Variants in MAP3K4 observed in about 807,000 individuals in gnomAD.
The protein encoded by MAP3K4 is mitogen-activated protein kinase kinase kinase 4.
MAP3K4 carries 67 observed loss-of-function variants against 185.6 expected under a neutral mutation model. That is an observed-to-expected ratio of 0.36 (90% CI 0.30 to 0.44). The LOEUF is 0.44. Among genes scored for constraint, MAP3K4 ranks in the 20% least tolerant of loss-of-function variants. The pLI is 1.00. For missense variants in MAP3K4, 1,551 were observed against 1,995.1 expected (o/e 0.78, Z 4.24); for synonymous variants, 702 against 710.4 (o/e 0.99, Z 0.19).
chr6:161,022,539 T>C lies in MAP3K4; in HGVS notation c.153-11720T>C, dbSNP rs184691096. On this transcript the variant is annotated intron_variant, in intron 1 of 26. Transcript: ENST00000392142. The surrounding 1 kb of genome is among the most constrained non-coding windows in gnomAD (Gnocchi z 4.2). Reference sequence around the variant, plus strand: ...TCTCTCTCTCATGCTATGCTCTCTCTCCACCTGGAGGGACTTTGTCCCACA... The same window carrying C: ...TCTCTCTCTCATGCTATGCTCTCTCCCCACCTGGAGGGACTTTGTCCCACA... Among the ~76,000 whole-genome samples, 13 of 152,316 alleles carry C rather than the reference T, an allele frequency of 8.5e-5. No individual in the cohort carries two copies. The highest frequency in any genetic ancestry group is 3.4e-3 in the Middle Eastern group (1 of 294).
chr6:161,060,568 A>G (rs1784437893), intron 3 of MAP3K4, among the ~76,000 whole-genome samples: 1 of 149,574 alleles, frequency 6.7e-6, no homozygotes. Flanking sequence ...CTAGGCTGAC[A>G]TTGTATATCT....
rs1777916747 is a variant in MAP3K4 at position 161,103,349 on chromosome 6, A to G, written c.3856+570A>G. On this transcript the variant is annotated intron_variant, in intron 19 of 26. Transcript: ENST00000392142. This position sits in a 1 kb window ranked among gnomAD's most constrained non-coding sequence, Gnocchi z 4.6. ...ACCAGAAGGCACTTGTCTCAAGTCT[A>G]GCGCACTCCATGGCAGCTTCCCTTT... 6.6e-6 allele frequency among the ~76,000 whole-genome samples: 1 copy of G among 152,246 alleles called. No individual in the cohort carries two copies. The highest frequency in any genetic ancestry group is 2.4e-5 in the African/African-American group (1 of 41,468).
intron 1 of MAP3K4, among the ~76,000 whole-genome samples, chr6:161,026,805 A>G (rs1270078494): frequency 1.6e-5 from 2 of 126,674 alleles, no homozygotes; most frequent in Non-Finnish European, 3.1e-5. Context: ...ATTAATTAGT[A>G]TGAAGTCTTT....
rs897209711 is a variant in MAP3K4, at chr6:161,117,143, C to T, written c.*273C>T. On this transcript the variant is annotated 3_prime_UTR_variant, in exon 27 of 27. Transcript: ENST00000392142. ...TCGCCTCTGTCTCCTCCGTGTCTCG[C>T]GCGACTGAGAACCGTGACATCAGCG... 9.1e-6 allele frequency: 4 copies of T among 438,310 alleles called. No individual in the cohort carries two copies. The highest frequency in any genetic ancestry group is 4.3e-5 in the South Asian group (1 of 23,004). 27.2% of individuals were successfully genotyped at this position (438,310 alleles called of 1,614,324 possible).
At chr6:161,105,697 A>T (rs1778034487) in intron 19 of MAP3K4, among the ~76,000 whole-genome samples, 1 of 152,210 alleles carries the variant, frequency 6.6e-6, no homozygotes, top group Admixed American at 6.5e-5. Context: ...AAAGTAAAGT[A>T]GTTTGGTGTG....
chr6:161,015,013 A>G (rs1028656855), intron 1 of MAP3K4, among the ~76,000 whole-genome samples: 10 of 152,318 alleles, frequency 6.6e-5, no homozygotes, highest in African/African-American at 2.4e-4. Flanking sequence ...ATCATATAAT[A>G]TGTGGGTTTT....
chr6:161,049,582 G>A lies in MAP3K4; in HGVS notation c.1310G>A (p.Gly437Asp), dbSNP rs146790152. ...FEIPSPRPSK[G>D]NEPEYEGDDT... ...ATCCCTTCCCCTCGACCATCCAAAG[G>A]TAATGAGCCGGAGTATGAGGGTGAT... is the stretch of plus-strand genomic sequence containing the variant. Residue 437 changes from glycine to aspartate, a missense_variant, in exon 3 of 27, where the codon GGT (glycine) becomes GAT (aspartate). Gly to Asp is a moderately conservative substitution (Grantham distance 94). Coordinates refer to ENST00000392142, the MANE Select transcript of MAP3K4 (RefSeq NM_005922.4). The surrounding 1 kb of genome is among the most constrained non-coding windows in gnomAD (Gnocchi z 8.4). The A allele has an allele frequency of 6.2e-7, 1 of 1,614,152 alleles. No homozygotes were observed. Among genetic ancestry groups the A allele is most frequent in the African/African-American group, 1.3e-5 (1 of 75,036 alleles).
At chr6:161,039,136 G>C (rs1262596707) in intron 2 of MAP3K4, among the ~76,000 whole-genome samples, 1 of 152,154 alleles carries the variant, frequency 6.6e-6, no homozygotes, top group Non-Finnish European at 1.5e-5. Context: ...GGAGGCGACT[G>C]CTCAAGGCAG....
intron 2 of MAP3K4, among the ~76,000 whole-genome samples, chr6:161,044,580 A>T (rs186226744): frequency 1.0e-3 from 157 of 152,286 alleles, no homozygotes; most frequent in Middle Eastern, 3.4e-3. Context: ...GTCCCTTATG[A>T]TTTTATAGAG....
In MAP3K4 at chr6:161,110,671, G is replaced by T. The variant is rs1165922640; in HGVS notation, c.4396+757G>T. ...GACTTCTGACCAGGGACAAGACCCAGTGTGGGAGGTTATTTTGGATTACAC... is the reference window on the plus strand; with the variant it reads ...GACTTCTGACCAGGGACAAGACCCATTGTGGGAGGTTATTTTGGATTACAC... On this transcript the variant is annotated intron_variant, in intron 23 of 26. Coordinates refer to ENST00000392142, the MANE Select transcript of MAP3K4 (RefSeq NM_005922.4). The surrounding 1 kb of genome is among the most constrained non-coding windows in gnomAD (Gnocchi z 4.8). Among the ~76,000 whole-genome samples the T allele has an allele frequency of 6.6e-6, 1 of 152,198 alleles. No individual in the cohort carries two copies.
chr6:161,026,657 A>C (rs1056241043), intron 1 of MAP3K4, among the ~76,000 whole-genome samples: 1 of 151,966 alleles, frequency 6.6e-6, no homozygotes, highest in Non-Finnish European at 1.5e-5. Flanking sequence ...TTGCAAAAAT[A>C]ACAGAAATAA....
chr6:161,001,256 T>C (rs1054601235), intron 1 of MAP3K4, among the ~76,000 whole-genome samples: 1 of 151,596 alleles, frequency 6.6e-6, no homozygotes, highest in Non-Finnish European at 1.5e-5. Flanking sequence ...TTATTAATTA[T>C]AGGTGGAATC....
intron 2 of MAP3K4, among the ~76,000 whole-genome samples, chr6:161,036,011 A>G (rs2115175544): frequency 6.6e-6 from 1 of 152,280 alleles, no homozygotes; most frequent in Admixed American, 6.5e-5. Context: ...ACTTTTTCCT[A>G]GTACAAGCAA....
rs1004597661 is a variant in MAP3K4 at position 161,097,212 on chromosome 6, G to A, written c.3524+36G>A. ...CTTATCTAGTCATTTGCTTTACAGA[G>A]TGCCCTCCGATATGCATGCTCATAC... On this transcript the variant is annotated intron_variant, in intron 16 of 26. Coordinates refer to ENST00000392142, the MANE Select transcript of MAP3K4 (RefSeq NM_005922.4). This position sits in a 1 kb window ranked among gnomAD's most constrained non-coding sequence, Gnocchi z 4.9. 1 of 1,569,998 alleles carries A rather than the reference G, an allele frequency of 6.4e-7. No individual in the cohort carries two copies. The highest frequency in any genetic ancestry group is 8.8e-7 in the Non-Finnish European group (1 of 1,140,734).
intron 1 of MAP3K4, among the ~76,000 whole-genome samples, chr6:161,031,304 T>A (rs960659993): frequency 3.3e-5 from 5 of 152,222 alleles, no homozygotes; most frequent in African/African-American, 7.2e-5. Flanking sequence ...CCACATTAAT[T>A]TTTCCATGTG....
intron 13 of MAP3K4, among the ~76,000 whole-genome samples, 167 bp downstream of exon 13, chr6:161,092,310 T>A (rs1229414903): frequency 6.6e-6 from 1 of 152,168 alleles, no homozygotes; most frequent in Non-Finnish European, 1.5e-5. Flanking sequence ...GAAAACTGCG[T>A]AACTCTTGGG....
rs555424527 is a variant in MAP3K4, at chr6:161,063,855, C to T, written c.1708-6753C>T. 1.6e-4 allele frequency among the ~76,000 whole-genome samples: 24 copies of T among 152,280 alleles called. No homozygotes were observed. In the South Asian group the frequency reaches 4.6e-3, roughly 29 times the overall value. On this transcript the variant is annotated intron_variant, in intron 3 of 26. Transcript: ENST00000392142. This position sits in a 1 kb window ranked among gnomAD's most constrained non-coding sequence, Gnocchi z 5.4. ...TCATGACTTGGGAATTGCCTCTTTA[C>T]GCCCTTCAGACACCCTGTTAATTTC...
At chr6:161,029,433 T>C (rs993584575) in intron 1 of MAP3K4, among the ~76,000 whole-genome samples, 2 of 152,182 alleles carry the variant, frequency 1.3e-5, no homozygotes, top group African/African-American at 4.8e-5. Flanking sequence ...CACACATTTT[T>C]CCTCTAAAAC....
At chr6:161,024,652 C>T (rs765167446) in intron 1 of MAP3K4, among the ~76,000 whole-genome samples, 28 of 152,064 alleles carry the variant, frequency 1.8e-4, no homozygotes, top group Non-Finnish European at 3.5e-4. Flanking sequence ...TTTGAGGTTA[C>T]GGGTTTTTAG....
Sources: allele counts gnomAD v4.1 joint callset (sites outside exome capture counted in the v4.1 genomes callset), GRCh38; gene constraint gnomAD v4.1.1; non-coding constraint Gnocchi (gnomAD v3.1); transcripts MANE v1.5; gene names NCBI Gene and HGNC (gene_info 2026-07-23, HGNC 2026-07-21).